The following GRM5 variants were observed in gnomAD, a reference collection of about 807,000 sequenced individuals.
GRM5 encodes the protein metabotropic glutamate receptor 5.
In GRM5, 19 loss-of-function variants were observed where a neutral mutation model predicts 83.1. The observed-to-expected ratio is 0.23, with a 90% confidence interval of 0.16 to 0.34. The LOEUF (loss-of-function observed/expected upper bound fraction) is 0.34, where lower values mean the gene tolerates loss of function less well. Ranked by LOEUF, GRM5 falls within the 10% of genes least tolerant of loss-of-function variation. The pLI is 1.00. For synonymous variants in GRM5, 675 were observed against 633.6 expected (o/e 1.07, Z -0.98); for missense variants, 1,160 against 1,588.3 (o/e 0.73, Z 4.58).
intron 4 of GRM5, among the ~76,000 whole-genome samples, chr11:88,607,692 G>A (rs1232857086): frequency 1.3e-5 from 2 of 152,200 alleles, no homozygotes; most frequent in South Asian, 2.1e-4. Context: ...TACTCTTCTC[G>A]TAAATTATTC....
At chr11:88,579,946 A>G (rs1350112488) in intron 7 of GRM5, among the ~76,000 whole-genome samples, 1 of 152,204 alleles carries the variant, frequency 6.6e-6, no homozygotes, top group Non-Finnish European at 1.5e-5. Flanking sequence ...ATGATTAATG[A>G]TGATTGTTAG....
intron 2 of GRM5, among the ~76,000 whole-genome samples, chr11:88,910,865 A>T (rs1280754969): frequency 6.6e-6 from 1 of 152,056 alleles, no homozygotes; most frequent in Non-Finnish European, 1.5e-5. Context: ...TGTTTCAGAT[A>T]AAGTCCTAAA....
intron 8 of GRM5, among the ~76,000 whole-genome samples, chr11:88,554,731 C>T (rs750828465): frequency 8.6e-5 from 13 of 152,032 alleles, no homozygotes; most frequent in South Asian, 2.1e-4. Flanking sequence ...GACATTGGCT[C>T]CTAGTGAGGT....
rs1169191494 is a variant in GRM5, at chr11:88,567,036, G to A, written c.2630+17C>T. 2 of 1,520,190 alleles carry A rather than the reference G, an allele frequency of 1.3e-6. No individual in the cohort carries two copies. Among genetic ancestry groups the A allele is most frequent in the South Asian group, 2.4e-5 (2 of 83,552 alleles). The allele number at this position is 1,520,190 out of a possible 1,614,324, so 94.2% of individuals were successfully genotyped here. A position where few individuals can be genotyped will look rare whatever the true frequency, so the allele number is the denominator to read the frequency against. On this transcript the variant is annotated intron_variant, in intron 8 of 9. Transcript: ENST00000305447. The surrounding 1 kb of genome is among the most constrained non-coding windows in gnomAD (Gnocchi z 7.3). ...GTTTTAGGGGCCAGCATCCCTGTAA[G>A]CCCCCACAACTTTTACCTTAAGGTT...
intron 3 of GRM5, among the ~76,000 whole-genome samples, chr11:88,683,675 A>T (rs1016144657): frequency 6.6e-6 from 1 of 152,240 alleles, no homozygotes; most frequent in Non-Finnish European, 1.5e-5. Context: ...CTTGTGTGAA[A>T]TTCAACATCT....
At chr11:88,930,030 G>A (rs1049976494) in intron 2 of GRM5, among the ~76,000 whole-genome samples, 3 of 152,058 alleles carry the variant, frequency 2.0e-5, no homozygotes, top group South Asian at 2.1e-4. Flanking sequence ...CTCTCCAAAC[G>A]TTTTTTGGTG....
intron 2 of GRM5, among the ~76,000 whole-genome samples, chr11:88,958,914 G>T (rs1431043684): frequency 6.6e-6 from 1 of 151,934 alleles, no homozygotes; most frequent in Non-Finnish European, 1.5e-5. Flanking sequence ...GTGAAGGGTG[G>T]CATTTTTTCT....
At chr11:89,027,864 G>T (rs1257907927) in intron 2 of GRM5, among the ~76,000 whole-genome samples, 1 of 152,188 alleles carries the variant, frequency 6.6e-6, no homozygotes, top group Non-Finnish European at 1.5e-5. Context: ...GTTGAAATTT[G>T]CCCTTGTGGT....
intron 2 of GRM5, among the ~76,000 whole-genome samples, chr11:88,945,330 A>G (rs1186268426): frequency 6.6e-6 from 1 of 152,104 alleles, no homozygotes; most frequent in Non-Finnish European, 1.5e-5. Flanking sequence ...AAAGCAATCT[A>G]TAGATTCAAT....
At chr11:88,736,005 T>C (rs980191031) in intron 3 of GRM5, among the ~76,000 whole-genome samples, 1 of 152,094 alleles carries the variant, frequency 6.6e-6, no homozygotes. Context: ...ACAACACTTC[T>C]GAGCACTCTC....
intron 3 of GRM5, among the ~76,000 whole-genome samples, chr11:88,744,464 C>T (rs1942091558): frequency 6.6e-6 from 1 of 152,060 alleles, no homozygotes. Flanking sequence ...GCTTTTGCAA[C>T]TGAAGCCCAG....
chr11:88,928,109 G>T (rs1375610591), intron 2 of GRM5, among the ~76,000 whole-genome samples: 1 of 152,076 alleles, frequency 6.6e-6, no homozygotes, highest in Non-Finnish European at 1.5e-5. Context: ...GTTTCACATG[G>T]ATGGGCACAT....
At chr11:88,583,743 A>C (rs567612471) in intron 7 of GRM5, among the ~76,000 whole-genome samples, 2 of 152,212 alleles carry the variant, frequency 1.3e-5, no homozygotes, top group Non-Finnish European at 2.9e-5. Context: ...CAGTTTTTGC[A>C]GATATGTGGC....
intron 3 of GRM5, among the ~76,000 whole-genome samples, chr11:88,846,186 T>C (rs1336365050): frequency 6.6e-6 from 1 of 152,256 alleles, no homozygotes; most frequent in Non-Finnish European, 1.5e-5. Context: ...TTTTCAGTTG[T>C]TAATTTGCTA....
intron 3 of GRM5, among the ~76,000 whole-genome samples, chr11:88,829,764 T>G (rs1208017464): frequency 6.6e-6 from 1 of 152,180 alleles, no homozygotes. Context: ...AAAACAAAAC[T>G]TTGCCAGTTT....
At chr11:88,584,205 TACACACACACAC>T (rs10526384) in intron 7 of GRM5, among the ~76,000 whole-genome samples, 5 of 144,218 alleles carry the variant, frequency 3.5e-5, no homozygotes, top group Non-Finnish European at 6.1e-5. Flanking sequence ...TGTTTCAAAT[TACACACACACAC>T]ACACACACAC....
rs550838115 is a variant in GRM5 at position 88,744,048 on chromosome 11, C to T, written c.912-90645G>A. On this transcript the variant is annotated intron_variant, in intron 3 of 9. Coordinates refer to ENST00000305447, the MANE Select transcript of GRM5 (RefSeq NM_001143831.3). The stretch of plus-strand genomic sequence containing the variant: ...TTGTGAAGTTAATGTAAGAAGCATA[C>T]TAGTAAGGTTCCATCCTATATCACA... Among the ~76,000 whole-genome samples, 3 of 152,188 alleles carry T rather than the reference C, an allele frequency of 2.0e-5. No homozygotes were observed. In the East Asian group the frequency reaches 5.8e-4, roughly 29 times the overall value.
intron 2 of GRM5, among the ~76,000 whole-genome samples, chr11:88,988,403 C>T (rs1455157363): frequency 0.032 from 4,813 of 151,126 alleles, 100 homozygotes; most frequent in Non-Finnish European, 0.052. Context: ...CTGAAAGTGA[C>T]GGGGAGAATG....
chr11:88,906,536 T>C (rs1195977904), intron 2 of GRM5, among the ~76,000 whole-genome samples: 2 of 152,234 alleles, frequency 1.3e-5, no homozygotes, highest in Non-Finnish European at 2.9e-5. Flanking sequence ...TCTATTTTAC[T>C]TTCTAGACAG....
Sources: allele counts gnomAD v4.1 joint callset (sites outside exome capture counted in the v4.1 genomes callset), GRCh38; gene constraint gnomAD v4.1.1; non-coding constraint Gnocchi (gnomAD v3.1); transcripts MANE v1.5; gene names NCBI Gene and HGNC (gene_info 2026-07-23, HGNC 2026-07-21).